Variants in DNAH9 observed in about 807,000 individuals in gnomAD.
The protein encoded by DNAH9 is dynein axonemal heavy chain 9.
A neutral mutation model predicts 471.6 loss-of-function variants in DNAH9; 345 were observed. The ratio of observed to expected loss-of-function variants is 0.73; its 90% CI spans 0.67 to 0.80. The LOEUF (loss-of-function observed/expected upper bound fraction) is 0.80, where lower values mean the gene tolerates loss of function less well. DNAH9 is among the 30% of genes least tolerant of loss of function. The probability of loss-of-function intolerance (pLI) is 0.00; values close to 1 mark genes in which losing one functional copy is unlikely to be tolerated. For synonymous variants in DNAH9, 2,093 were observed against 2,123.6 expected, an observed-to-expected ratio of 0.99 and a Z score of 0.40; for missense variants, 5,407 against 5,609.2, an observed-to-expected ratio of 0.96 and a Z score of 1.15.
intron 50 of DNAH9, among the ~76,000 whole-genome samples, chr17:11,854,697 T>A (rs1186817339): frequency 6.6e-6 from 1 of 152,190 alleles, no homozygotes; most frequent in African/African-American, 2.4e-5. Context: ...AGGTTAAAAT[T>A]TTGAGACTTT....
chr17:11,633,303 T>C (rs1166131556), intron 8 of DNAH9, among the ~76,000 whole-genome samples: 1 of 152,192 alleles, frequency 6.6e-6, no homozygotes, highest in Non-Finnish European at 1.5e-5. Flanking sequence ...CTGTAAAGCT[T>C]TAAGGGTTCC....
Position 11,937,725 on chromosome 17 carries a change from C to A in DNAH9, c.12660+203C>A, listed in dbSNP as rs1974760577. Among the ~76,000 whole-genome samples, 3 of 152,214 alleles carry A rather than the reference C, an allele frequency of 2.0e-5. No individual in the cohort carries two copies. The highest frequency in any genetic ancestry group is 7.2e-5 in the African/African-American group (3 of 41,460). On this transcript the variant is annotated intron_variant, in intron 66 of 68. Transcript: ENST00000262442. This position sits in a 1 kb window ranked among gnomAD's most constrained non-coding sequence, Gnocchi z 4.1. Reference sequence around the variant, plus strand: ...TCACCATGCTGGCCATCAGTTAAATCATAGGAAGTCCCTGCCATTGGGTTC... The same window carrying A: ...TCACCATGCTGGCCATCAGTTAAATAATAGGAAGTCCCTGCCATTGGGTTC...
At chr17:11,655,739 TA>T (rs1163504352) in intron 14 of DNAH9, among the ~76,000 whole-genome samples, 2 of 152,020 alleles carry the variant, frequency 1.3e-5, no homozygotes, top group Non-Finnish European at 2.9e-5. Flanking sequence ...TGGAGACCAT[TA>T]TTCTAAGTGA....
chr17:11,878,714 C>T (rs953578462), intron 53 of DNAH9, among the ~76,000 whole-genome samples: 38 of 152,070 alleles, frequency 2.5e-4, no homozygotes, highest in African/African-American at 8.7e-4. Flanking sequence ...CAACACCATG[C>T]CCTGCTAATT....
chr17:11,858,252 T>G lies in DNAH9; in HGVS notation c.9933+3824T>G, dbSNP rs186925457. Among the ~76,000 whole-genome samples the G allele has an allele frequency of 2.7e-4, 41 of 152,340 alleles. No homozygotes were observed. In the South Asian group the frequency reaches 3.3e-3, roughly 12 times the overall value. ...AAATATCAAATAGTAGAGAAAGGCTTCTGATGAGAAACAAGAATCCCTTTT... is the reference window on the plus strand; with the variant it reads ...AAATATCAAATAGTAGAGAAAGGCTGCTGATGAGAAACAAGAATCCCTTTT... On this transcript the variant is annotated intron_variant, in intron 50 of 68. Coordinates refer to ENST00000262442, the MANE Select transcript of DNAH9 (RefSeq NM_001372.4).
At chr17:11,783,983 C>T (rs1389461772) in intron 40 of DNAH9, among the ~76,000 whole-genome samples, 4 of 151,998 alleles carry the variant, frequency 2.6e-5, no homozygotes, top group African/African-American at 7.2e-5. Flanking sequence ...CAGATGAGGG[C>T]GCTTCAGAGA....
intron 32 of DNAH9, among the ~76,000 whole-genome samples, chr17:11,752,529 T>C (rs1678005663): frequency 6.6e-6 from 1 of 152,124 alleles, no homozygotes; most frequent in African/African-American, 2.4e-5. Context: ...TAGCTGGGCA[T>C]GGTGGCACGC....
chr17:11,953,868 G>A (rs1975510879), intron 67 of DNAH9: 1 of 151,666 alleles, frequency 6.6e-6, no homozygotes, highest in African/African-American at 2.4e-5. Context: ...ATATATTCAA[G>A]AAGCTAGAAG....
At position 11,617,464 on chromosome 17, in the gene DNAH9, C is replaced by G. The variant is rs777326820; in HGVS notation, c.958C>G (p.Leu320Val). 20 of 1,614,104 alleles carry G rather than the reference C, an allele frequency of 1.2e-5. No homozygotes were observed. The highest frequency in any genetic ancestry group is 5.3e-5 in the African/African-American group (4 of 74,944). ...HVHLIPLQRHLEALENAEFPE... is the reference protein window; with the variant it reads ...HVHLIPLQRHVEALENAEFPE... ...GCACCTGATACCGCTCCAGCGCCAC[C>G]TGGAAGCTCTGGAGAATGCAGAATT... Residue 320 changes from leucine to valine, a missense_variant, in exon 5 of 69, where the codon CTG becomes GTG. Coordinates refer to ENST00000262442, the MANE Select transcript of DNAH9 (RefSeq NM_001372.4).
intron 48 of DNAH9, 39 bp downstream of exon 48, chr17:11,823,073 G>T: frequency 6.4e-7 from 1 of 1,553,300 alleles, no homozygotes; most frequent in Non-Finnish European, 8.7e-7. Flanking sequence ...CAGGGGACTT[G>T]GAGGGAGCTG....
chr17:11,721,488 T>C (rs568542643), intron 27 of DNAH9, among the ~76,000 whole-genome samples: 2 of 152,262 alleles, frequency 1.3e-5, no homozygotes, highest in African/African-American at 4.8e-5. Context: ...CTACCTTTGT[T>C]TTCTGGCTGT....
At chr17:11,842,143 TC>T (rs1347547130) in intron 49 of DNAH9, among the ~76,000 whole-genome samples, 1 of 152,136 alleles carries the variant, frequency 6.6e-6, no homozygotes, top group Non-Finnish European at 1.5e-5. Flanking sequence ...CTAGGAGAAG[TC>T]AGGGTCTTCA....
intron 22 of DNAH9, among the ~76,000 whole-genome samples, chr17:11,695,113 C>T (rs1214027147): frequency 6.6e-6 from 1 of 151,536 alleles, no homozygotes; most frequent in Non-Finnish European, 1.5e-5. Context: ...TGGTCTTGAT[C>T]TCCTGACCTC....
chr17:11,798,603 A>G (rs916185751), intron 43 of DNAH9, among the ~76,000 whole-genome samples: 2 of 151,994 alleles, frequency 1.3e-5, no homozygotes, highest in Non-Finnish European at 2.9e-5. Flanking sequence ...TCACACCAAC[A>G]CCATCCCTAC....
chr17:11,851,693 C>T (rs2150968099), intron 49 of DNAH9, among the ~76,000 whole-genome samples: 1 of 152,238 alleles, frequency 6.6e-6, no homozygotes, highest in Non-Finnish European at 1.5e-5. Flanking sequence ...CTGCCGACAA[C>T]ATTGAGAATG....
intron 14 of DNAH9, among the ~76,000 whole-genome samples, chr17:11,663,190 C>T (rs2073806801): frequency 6.6e-6 from 1 of 152,194 alleles, no homozygotes; most frequent in African/African-American, 2.4e-5. Context: ...AGAACCCTAA[C>T]ATCTTCCAAC....
intron 61 of DNAH9, among the ~76,000 whole-genome samples, chr17:11,917,407 G>A (rs952567489): frequency 2.0e-4 from 30 of 151,918 alleles, no homozygotes; most frequent in African/African-American, 6.5e-4. Context: ...TCCACCCGCC[G>A]CAGCCTCCCA....
At chr17:11,603,425 T>C (rs1232419860) in intron 1 of DNAH9, among the ~76,000 whole-genome samples, 1 of 152,218 alleles carries the variant, frequency 6.6e-6, no homozygotes, top group African/African-American at 2.4e-5. Flanking sequence ...CACGAACTCT[T>C]ATGTCCACTT....
intron 1 of DNAH9, among the ~76,000 whole-genome samples, chr17:11,604,318 G>A (rs1257757010): frequency 2.6e-5 from 4 of 152,090 alleles, no homozygotes; most frequent in East Asian, 1.9e-4. Context: ...CGCCGCGCCC[G>A]TCCTCTTCCC....
Sources: gnomAD v4.1 joint callset for allele counts (sites outside exome capture counted in the v4.1 genomes callset) on GRCh38, gnomAD v4.1.1 for gene constraint, Gnocchi (gnomAD v3.1) non-coding constraint, MANE v1.5 for transcripts, NCBI Gene and HGNC (gene_info 2026-07-23, HGNC 2026-07-21) for gene names.